The following GAB2 variants were observed in gnomAD, a reference collection of about 807,000 sequenced individuals.
GAB2 encodes the protein GRB2 associated binding protein 2, also known as GRB2-associated-binding protein 2.
GAB2 carries 26 observed loss-of-function variants against 65.5 expected under a neutral mutation model. The observed-to-expected ratio is 0.40, with a 90% CI of 0.29 to 0.55. GAB2 has a LOEUF of 0.55. GAB2 is among the 20% of genes least tolerant of loss of function. GAB2 has a pLI of 0.53. For synonymous variants in GAB2, 321 were observed against 329.6 expected (o/e 0.97, Z 0.28); for missense variants, 884 against 875.8 (o/e 1.01, Z -0.12).
chr11:78,400,748 C>T (rs1459627634), intron 1 of GAB2, among the ~76,000 whole-genome samples: 1 of 151,592 alleles, frequency 6.6e-6, no homozygotes, highest in Non-Finnish European at 1.5e-5. Flanking sequence ...ATTGAAAATA[C>T]AAAAAAATTA....
Position 78,253,656 on chromosome 11 carries a change from G to C in GAB2, c.377-3256C>G, listed in dbSNP as rs192584191. Reference sequence around the variant, plus strand: ...CCTTGTTTCTTACCTGTGCTTCCCTGTGTTTCAAATAAAATTCCAGGAAAA... The same window carrying C: ...CCTTGTTTCTTACCTGTGCTTCCCTCTGTTTCAAATAAAATTCCAGGAAAA... On this transcript the variant is annotated intron_variant, in intron 2 of 9. Coordinates refer to ENST00000361507, the MANE Select transcript of GAB2 (RefSeq NM_080491.3). Among the ~76,000 whole-genome samples, 6 of 152,106 alleles carry C rather than the reference G, an allele frequency of 3.9e-5. No individual in the cohort carries two copies. In the East Asian group the frequency reaches 7.8e-4, roughly 20 times the overall value.
rs1463295135 is a variant in GAB2, at chr11:78,262,709, C to T, written c.377-12309G>A. ...CCAGACTTGTGTCTTGTTGCCTTGC[C>T]ATCTCTAGGTTTTTAAAATTGCAGT... On this transcript the variant is annotated intron_variant, in intron 2 of 9. Transcript: ENST00000361507. Among the ~76,000 whole-genome samples the T allele has an allele frequency of 2.6e-5, 4 of 152,164 alleles. No homozygotes were observed. In the East Asian group the frequency reaches 5.8e-4, roughly 22 times the overall value.
intron 1 of GAB2, among the ~76,000 whole-genome samples, chr11:78,336,346 A>AAC (rs1188054898): frequency 6.7e-6 from 1 of 148,986 alleles, no homozygotes; most frequent in Non-Finnish European, 1.5e-5. Flanking sequence ...AAAAAAAAAA[A>AAC]AAAAAAAAAA....
intron 1 of GAB2, among the ~76,000 whole-genome samples, chr11:78,407,908 TC>T (rs1316850721): frequency 4.6e-5 from 7 of 152,022 alleles, no homozygotes; most frequent in African/African-American, 1.7e-4. Flanking sequence ...TTACAGGTGC[TC>T]AAAGAAAAGA....
chr11:78,327,449 C>G (rs887474662), intron 1 of GAB2, among the ~76,000 whole-genome samples: 4 of 152,048 alleles, frequency 2.6e-5, no homozygotes, highest in Non-Finnish European at 2.9e-5. Flanking sequence ...TTCCCAGAAA[C>G]AGATTTTGGG....
chr11:78,385,242 C>A (rs1348563837), intron 1 of GAB2, among the ~76,000 whole-genome samples: 2 of 152,150 alleles, frequency 1.3e-5, no homozygotes, highest in Non-Finnish European at 2.9e-5. Flanking sequence ...AACTTGTAAA[C>A]AAGAGCTTCC....
At chr11:78,312,793 T>C (rs1241595091) in intron 1 of GAB2, among the ~76,000 whole-genome samples, 1 of 152,158 alleles carries the variant, frequency 6.6e-6, no homozygotes, top group East Asian at 1.9e-4. Context: ...TAATTGTAGA[T>C]ATAAAGTTAT....
intron 1 of GAB2, among the ~76,000 whole-genome samples, chr11:78,389,198 C>A (rs7117920): frequency 0.034 from 5,132 of 152,120 alleles, 295 homozygotes; most frequent in African/African-American, 0.12. Flanking sequence ...GAGATCACAA[C>A]AGGAAAAATG....
intron 1 of GAB2, among the ~76,000 whole-genome samples, chr11:78,333,531 G>A (rs1270334291): frequency 6.6e-6 from 1 of 152,176 alleles, no homozygotes; most frequent in Non-Finnish European, 1.5e-5. Context: ...GCCTCCCAAA[G>A]CGCTGGGATT....
intron 1 of GAB2, among the ~76,000 whole-genome samples, chr11:78,353,637 G>A (rs1856314602): frequency 6.6e-6 from 1 of 152,216 alleles, no homozygotes; most frequent in African/African-American, 2.4e-5. Flanking sequence ...TATGTCTACT[G>A]AGCACTTGTG....
intron 3 of GAB2, among the ~76,000 whole-genome samples, chr11:78,228,840 G>A (rs935003640): frequency 5.9e-5 from 9 of 152,080 alleles, no homozygotes; most frequent in Non-Finnish European, 8.8e-5. Flanking sequence ...CGGGGGTGGC[G>A]GGGGGAGCGA....
intron 1 of GAB2, among the ~76,000 whole-genome samples, chr11:78,397,324 A>G (rs760350229): frequency 6.6e-6 from 1 of 152,274 alleles, no homozygotes; most frequent in Non-Finnish European, 1.5e-5. Flanking sequence ...TAATGAACCA[A>G]TAACTTACTG....
chr11:78,316,231 C>T (rs561779165), intron 1 of GAB2, among the ~76,000 whole-genome samples: 34 of 152,198 alleles, frequency 2.2e-4, no homozygotes, highest in African/African-American at 7.0e-4. Flanking sequence ...GAGCCACTAC[C>T]GGCTTCTCTC....
chr11:78,283,847 C>T (rs531989523), intron 1 of GAB2, among the ~76,000 whole-genome samples: 8 of 152,194 alleles, frequency 5.3e-5, no homozygotes, highest in East Asian at 3.9e-4. Flanking sequence ...CCCTGACATC[C>T]GAACATTAGA....
intron 1 of GAB2, among the ~76,000 whole-genome samples, chr11:78,343,004 A>C (rs577029244): frequency 5.3e-5 from 8 of 152,308 alleles, no homozygotes; most frequent in Admixed American, 1.3e-4. Context: ...AAGCTGAGAT[A>C]CAAGACCCAC....
chr11:78,330,483 G>T (rs185684832), intron 1 of GAB2, among the ~76,000 whole-genome samples: 50 of 152,284 alleles, frequency 3.3e-4, no homozygotes, highest in Admixed American at 1.2e-3. Context: ...CTGGAATCAA[G>T]AAATAGTGGT....
At chr11:78,406,209 C>T (rs1160259563) in intron 1 of GAB2, among the ~76,000 whole-genome samples, 5 of 152,144 alleles carry the variant, frequency 3.3e-5, no homozygotes, top group Non-Finnish European at 5.9e-5. Context: ...ACCTTCCTAT[C>T]GGGAGTGTCA....
intron 3 of GAB2, among the ~76,000 whole-genome samples, chr11:78,244,803 G>A (rs1865250696): frequency 6.6e-6 from 1 of 152,116 alleles, no homozygotes; most frequent in Admixed American, 6.5e-5. Flanking sequence ...CAGTGAGGAT[G>A]TGGAGAAAAG....
chr11:78,230,110 G>C (rs150322376), intron 3 of GAB2, among the ~76,000 whole-genome samples: 1 of 152,342 alleles, frequency 6.6e-6, no homozygotes, highest in Admixed American at 6.5e-5. Flanking sequence ...GTTAATGCTT[G>C]TTGCATTATA....
Sources: gnomAD v4.1 joint callset for allele counts (sites outside exome capture counted in the v4.1 genomes callset) on GRCh38, gnomAD v4.1.1 for gene constraint, MANE v1.5 for transcripts, NCBI Gene and HGNC (gene_info 2026-07-23, HGNC 2026-07-21) for gene names.